The following OXCT1 variants were observed in gnomAD, a reference collection of about 807,000 sequenced individuals.
The protein encoded by OXCT1 is succinyl-CoA:3-ketoacid coenzyme A transferase 1, mitochondrial.
Under a neutral mutation model 69.6 loss-of-function variants are expected in OXCT1, and 27 were observed. That is an observed-to-expected ratio of 0.39 (90% CI 0.29 to 0.54). OXCT1 has a LOEUF of 0.54. Ranked by LOEUF, OXCT1 falls within the 20% of genes least tolerant of loss-of-function variation. The pLI, the probability that OXCT1 is intolerant of heterozygous loss-of-function variation, is 0.72. For missense variants in OXCT1, 437 were observed against 650.2 expected (o/e 0.67, Z 3.57); for synonymous variants, 202 against 217.8 (o/e 0.93, Z 0.64).
chr5:41,832,333 C>CAG (rs148562121), intron 7 of OXCT1, among the ~76,000 whole-genome samples: 4,617 of 147,056 alleles, frequency 0.031, 170 homozygotes, highest in African/African-American at 0.095. Flanking sequence ...CGGTTCAGCA[C>CAG]AGAGAGAGAG....
intron 7 of OXCT1, among the ~76,000 whole-genome samples, chr5:41,816,894 A>G (rs1579800272): frequency 6.6e-6 from 1 of 152,276 alleles, no homozygotes; most frequent in Non-Finnish European, 1.5e-5. Flanking sequence ...ATTTGTTTAG[A>G]GTGTCTCCTC....
chr5:41,820,386 C>T (rs370405009), intron 7 of OXCT1, among the ~76,000 whole-genome samples: 1 of 151,998 alleles, frequency 6.6e-6, no homozygotes, highest in East Asian at 1.9e-4. Context: ...AATGTTGATA[C>T]TCATATAAAG....
At position 41,853,541 on chromosome 5, in the gene OXCT1, CA is replaced by C; in HGVS notation, c.291del (p.Phe97LeufsTer12). The C allele has an allele frequency of 6.2e-7, 1 of 1,613,834 alleles. No individual in the cohort carries two copies. The highest frequency in any genetic ancestry group is 8.5e-7 in the Non-Finnish European group (1 of 1,179,876). On this transcript the variant is annotated frameshift_variant, in exon 4 of 17. Transcript: ENST00000196371. LOFTEE classifies it high-confidence loss of function. ...TTGGACCGAAGCAAAAGCCCCAAAC[CA>C]AAATTGTCAACCCTAGAAGGAAAAT... ...AVSNNAGVDN[F>X]GLGLLLRSKQ...
At chr5:41,793,459 T>C (rs1746026008) in intron 13 of OXCT1, among the ~76,000 whole-genome samples, 2 of 152,358 alleles carry the variant, frequency 1.3e-5, no homozygotes, top group South Asian at 4.1e-4. Flanking sequence ...TTTAGGTCAC[T>C]ATTAAATGAC....
At chr5:41,817,018 T>TA (rs1747277517) in intron 7 of OXCT1, among the ~76,000 whole-genome samples, 1 of 152,128 alleles carries the variant, frequency 6.6e-6, no homozygotes. Flanking sequence ...CTACCATGAG[T>TA]AAAGCTGATC....
chr5:41,788,604 T>A (rs920713974), intron 13 of OXCT1, among the ~76,000 whole-genome samples: 2 of 152,130 alleles, frequency 1.3e-5, no homozygotes, highest in Non-Finnish European at 2.9e-5. Flanking sequence ...ATTAAGAGAA[T>A]GTAAGCTTAA....
intron 5 of OXCT1, among the ~76,000 whole-genome samples, chr5:41,843,848 G>A (rs13153837): frequency 0.18 from 27,656 of 152,062 alleles, 2,729 homozygotes; most frequent in Middle Eastern, 0.29. Flanking sequence ...TTGCCTGCTA[G>A]AAAAAAGATT....
chr5:41,811,081 G>GAAA (rs57545957), intron 7 of OXCT1, among the ~76,000 whole-genome samples: 2 of 137,306 alleles, frequency 1.5e-5, no homozygotes, highest in Non-Finnish European at 1.6e-5. Flanking sequence ...AAAAGAGAGG[G>GAAA]AAAAAAAAAA....
At chr5:41,859,866 T>TATATATATATATATTAC (rs1353120395) in intron 3 of OXCT1, among the ~76,000 whole-genome samples, 19 of 95,070 alleles carry the variant, frequency 2.0e-4, no homozygotes, top group African/African-American at 6.6e-4. Flanking sequence ...AGTATAGTAA[T>TATATATATATATATTAC]ATATATATAT....
chr5:41,833,191 C>A (rs1476812011), intron 7 of OXCT1, among the ~76,000 whole-genome samples: 1 of 152,128 alleles, frequency 6.6e-6, no homozygotes, highest in African/African-American at 2.4e-5. Flanking sequence ...AGGAAGACTA[C>A]CTCCAAAGCT....
chr5:41,747,783 C>T (rs980633556), intron 15 of OXCT1, among the ~76,000 whole-genome samples: 2 of 152,072 alleles, frequency 1.3e-5, no homozygotes, highest in African/African-American at 2.4e-5. Flanking sequence ...AAGGTACATA[C>T]TGTGAAATGC....
rs79526174 is a variant in OXCT1 at position 41,768,161 on chromosome 5, T to C, written c.1249-5961A>G. ...GTTCCTTTATTCCTGAGCTCATAGT[T>C]AGGCTACATTTTCCAGCCTTCCTTG... On this transcript the variant is annotated intron_variant, in intron 13 of 16. Transcript: ENST00000196371. Among the ~76,000 whole-genome samples, 1,214 of 152,282 alleles carry C rather than the reference T, an allele frequency of 8.0e-3. 17 individuals carry two copies. The highest frequency in any genetic ancestry group is 0.028 in the African/African-American group (1,152 of 41,558).
At chr5:41,840,763 C>T (rs1748591742) in intron 6 of OXCT1, among the ~76,000 whole-genome samples, 1 of 152,040 alleles carries the variant, frequency 6.6e-6, no homozygotes, top group African/African-American at 2.4e-5. Context: ...CTATTTTTCA[C>T]ATTCAACATA....
intron 3 of OXCT1, among the ~76,000 whole-genome samples, chr5:41,856,622 A>T (rs1182046209): frequency 6.6e-6 from 1 of 152,162 alleles, no homozygotes; most frequent in African/African-American, 2.4e-5. Flanking sequence ...GGTAACAGGT[A>T]ACTGTCAACC....
rs143689402 is a variant in OXCT1 at position 41,782,565 on chromosome 5, T to C, written c.1248+11438A>G. 8.5e-3 allele frequency among the ~76,000 whole-genome samples: 1,297 copies of C among 152,330 alleles called. 21 individuals carry two copies. The highest frequency in any genetic ancestry group is 0.03 in the African/African-American group (1,244 of 41,570). On this transcript the variant is annotated intron_variant, in intron 13 of 16. Coordinates refer to ENST00000196371, the MANE Select transcript of OXCT1 (RefSeq NM_000436.4). The stretch of plus-strand genomic sequence containing the variant: ...TATGTCTTCTTTTGAGAAGTATCTG[T>C]TCATGTCCTTTGCCCACTTTTTAAT...
intron 3 of OXCT1, among the ~76,000 whole-genome samples, chr5:41,854,910 C>G (rs1306613555): frequency 6.6e-6 from 1 of 152,174 alleles, no homozygotes; most frequent in Non-Finnish European, 1.5e-5. Flanking sequence ...TGCTATGGGT[C>G]AGCAATTCCA....
chr5:41,794,856 C>T, intron 11 of OXCT1, 107 bp from the exon 12 acceptor site: 6 of 1,241,658 alleles, frequency 4.8e-6, no homozygotes, highest in Non-Finnish European at 5.8e-6. Context: ...CTTAAGCTCC[C>T]TTTACCAAAA....
At chr5:41,819,476 T>G (rs1315883150) in intron 7 of OXCT1, among the ~76,000 whole-genome samples, 1 of 152,126 alleles carries the variant, frequency 6.6e-6, no homozygotes, top group Admixed American at 6.5e-5. Flanking sequence ...GTTCAAGCGA[T>G]TCTCCTGCCT....
At chr5:41,740,257 CAGA>C (rs1038916996) in intron 15 of OXCT1, among the ~76,000 whole-genome samples, 3 of 152,142 alleles carry the variant, frequency 2.0e-5, no homozygotes, top group Non-Finnish European at 2.9e-5. Flanking sequence ...TTACAGGAAA[CAGA>C]AGAAGGTGCT....
Sources: allele counts gnomAD v4.1 joint callset (sites outside exome capture counted in the v4.1 genomes callset), GRCh38; gene constraint gnomAD v4.1.1; transcripts MANE v1.5; gene names NCBI Gene and HGNC (gene_info 2026-07-23, HGNC 2026-07-21).